Variants in ATXN7 observed in about 807,000 individuals in gnomAD.
ATXN7 encodes ataxin-7.
In ATXN7, 12 loss-of-function variants were observed where a neutral mutation model predicts 70.5. The ratio of observed to expected loss-of-function variants is 0.17; its 90% CI spans 0.11 to 0.28. The LOEUF is 0.28. Ranked by LOEUF, ATXN7 falls within the 10% of genes least tolerant of loss-of-function variation. The pLI, the probability that ATXN7 is intolerant of heterozygous loss-of-function variation, is 1.00. For missense variants in ATXN7, 1,256 were observed against 1,131.7 expected (o/e 1.11, Z -1.58); for synonymous variants, 498 against 448.7 (o/e 1.11, Z -1.39).
At chr3:63,881,214 C>CA (rs1283951273) in intron 1 of ATXN7, among the ~76,000 whole-genome samples, 1 of 151,514 alleles carries the variant, frequency 6.6e-6, no homozygotes, top group Admixed American at 6.6e-5. Context: ...CTGTTTAATT[C>CA]AAAAAAATGG....
At chr3:63,874,885 C>G (rs1358018836) in intron 1 of ATXN7, among the ~76,000 whole-genome samples, 2 of 152,134 alleles carry the variant, frequency 1.3e-5, no homozygotes. Flanking sequence ...TGTGACAGTT[C>G]TGAAGGCCGA....
chr3:63,948,460 T>C (rs976354040), intron 4 of ATXN7, among the ~76,000 whole-genome samples: 1 of 152,038 alleles, frequency 6.6e-6, no homozygotes. Flanking sequence ...AGACAGAGCT[T>C]GGGAGCAGTC....
chr3:63,984,516 C>G (rs10510903), intron 8 of ATXN7, among the ~76,000 whole-genome samples: 15,701 of 152,276 alleles, frequency 0.1, 1,004 homozygotes, highest in Middle Eastern at 0.16. Flanking sequence ...ATGATCACAA[C>G]TTGCCATTCT....
At chr3:63,939,993 A>G (rs939682020) in intron 4 of ATXN7, among the ~76,000 whole-genome samples, 5 of 152,114 alleles carry the variant, frequency 3.3e-5, no homozygotes, top group Non-Finnish European at 5.9e-5. Flanking sequence ...TGATTCTTCA[A>G]TGTCACAGTT....
intron 4 of ATXN7, among the ~76,000 whole-genome samples, chr3:63,931,514 C>A (rs1704960430): frequency 6.6e-6 from 1 of 152,174 alleles, no homozygotes; most frequent in Non-Finnish European, 1.5e-5. Context: ...CTTTCTCTTG[C>A]TACAGAGAGC....
rs145456263 is a variant in ATXN7, at chr3:63,996,257, A to G, written c.2435A>G (p.Asn812Ser). The change falls in exon 12 of 13, where the codon AAT becomes AGT. Residue 812 changes from asparagine (N) to serine (S), a missense_variant. Coordinates refer to ENST00000674280, the MANE Select transcript of ATXN7 (RefSeq NM_001377405.1). ...LSLGPFIHQSNELPVNSHGSF... is the reference protein window; with the variant it reads ...LSLGPFIHQSSELPVNSHGSF... Reference sequence around the variant, plus strand: ...CTTGGGCCATTCATTCACCAGTCCAATGAACTGCCTGTCAACTCCCACGGC... The same window carrying G: ...CTTGGGCCATTCATTCACCAGTCCAGTGAACTGCCTGTCAACTCCCACGGC... 17 of 1,614,042 alleles carry G rather than the reference A, an allele frequency of 1.1e-5. No individual in the cohort carries two copies. Among genetic ancestry groups the G allele is most frequent in the Middle Eastern group, 3.3e-4 (2 of 6,084 alleles).
chr3:63,888,747 G>T (rs1703168799), intron 1 of ATXN7, among the ~76,000 whole-genome samples: 1 of 152,234 alleles, frequency 6.6e-6, no homozygotes. Flanking sequence ...GTGCACTCCA[G>T]CCTGGCGACA....
At chr3:63,970,310 G>A (rs2075289451) in intron 5 of ATXN7, among the ~76,000 whole-genome samples, 1 of 152,118 alleles carries the variant, frequency 6.6e-6, no homozygotes, top group Admixed American at 6.5e-5. Flanking sequence ...TCTGCACCTT[G>A]AACAGGGTTG....
At chr3:63,927,532 C>T (rs913964566) in intron 4 of ATXN7, among the ~76,000 whole-genome samples, 1 of 152,104 alleles carries the variant, frequency 6.6e-6, no homozygotes, top group Non-Finnish European at 1.5e-5. Flanking sequence ...GAGTGTGGTT[C>T]GTCTTTGGTT....
intron 11 of ATXN7, among the ~76,000 whole-genome samples, chr3:63,995,249 G>C (rs556349419): frequency 1.3e-5 from 2 of 151,594 alleles, no homozygotes; most frequent in African/African-American, 4.9e-5. Flanking sequence ...GAACGGGGGC[G>C]TTGGGGGTGG....
intron 5 of ATXN7, chr3:63,967,971 A>C: frequency 6.5e-7 from 1 of 1,535,372 alleles, no homozygotes; most frequent in East Asian, 2.4e-5. Context: ...TGAAAGCTCC[A>C]CTGGGTAAGT....
intron 5 of ATXN7, among the ~76,000 whole-genome samples, chr3:63,964,644 G>A (rs1378447634): frequency 6.6e-6 from 1 of 152,100 alleles, no homozygotes; most frequent in African/African-American, 2.4e-5. Flanking sequence ...CATGGTTTTA[G>A]CCCCCAAGGT....
chr3:63,962,874 C>A (rs984287660), intron 5 of ATXN7, among the ~76,000 whole-genome samples: 4 of 150,998 alleles, frequency 2.6e-5, no homozygotes, highest in Non-Finnish European at 5.9e-5. Flanking sequence ...AATCAAGATA[C>A]ACTTGTTTGA....
intron 4 of ATXN7, among the ~76,000 whole-genome samples, chr3:63,942,045 T>C (rs2107365348): frequency 6.6e-6 from 1 of 152,316 alleles, no homozygotes; most frequent in Non-Finnish European, 1.5e-5. Context: ...CCGAGAGTCC[T>C]AGCATCTCAG....
At chr3:63,909,714 T>G (rs1403768000) in intron 2 of ATXN7, among the ~76,000 whole-genome samples, 1 of 152,216 alleles carries the variant, frequency 6.6e-6, no homozygotes, top group African/African-American at 2.4e-5. Context: ...AGAACATTTC[T>G]AGGAGTTAGG....
intron 4 of ATXN7, among the ~76,000 whole-genome samples, chr3:63,933,835 T>G (rs1042370934): frequency 1.3e-5 from 2 of 152,168 alleles, no homozygotes; most frequent in Non-Finnish European, 2.9e-5. Context: ...CAGTGGTTCC[T>G]GCTGAATGGG....
At chr3:63,899,922 A>G (rs1374512970) in intron 2 of ATXN7, among the ~76,000 whole-genome samples, 1 of 152,092 alleles carries the variant, frequency 6.6e-6, no homozygotes, top group Non-Finnish European at 1.5e-5. Flanking sequence ...CGGCCTAAAA[A>G]AAATTTAAAA....
At chr3:63,930,651 C>A (rs924698251) in intron 4 of ATXN7, among the ~76,000 whole-genome samples, 1 of 152,232 alleles carries the variant, frequency 6.6e-6, no homozygotes, top group Middle Eastern at 3.4e-3. Context: ...GCCTTAGCCC[C>A]CTGAGTAGCT....
intron 4 of ATXN7, among the ~76,000 whole-genome samples, chr3:63,945,679 TCAA>T (rs1268146748): frequency 6.6e-6 from 1 of 152,218 alleles, no homozygotes; most frequent in Non-Finnish European, 1.5e-5. Context: ...ACCAGAGCAG[TCAA>T]CAAGATAGAT....
Sources: gnomAD v4.1 joint callset for allele counts (sites outside exome capture counted in the v4.1 genomes callset) on GRCh38, gnomAD v4.1.1 for gene constraint, MANE v1.5 for transcripts, NCBI Gene and HGNC (gene_info 2026-07-23, HGNC 2026-07-21) for gene names.